Variants in NALF1 observed in about 807,000 individuals in gnomAD.
NALF1 encodes family with sequence similarity 155 member A.
A neutral mutation model predicts 48.4 loss-of-function variants in NALF1; 3 were observed. The observed-to-expected ratio is 0.06, with a 90% confidence interval of 0.03 to 0.16. The LOEUF (loss-of-function observed/expected upper bound fraction) is 0.16, where lower values mean the gene tolerates loss of function less well. Among genes scored for constraint, NALF1 ranks in the 10% least tolerant of loss-of-function variants. The pLI is 1.00. For missense variants in NALF1, 526 were observed against 571.5 expected, an observed-to-expected ratio of 0.92 and a Z score of 0.81; for synonymous variants, 262 against 245.7, an observed-to-expected ratio of 1.07 and a Z score of -0.62.
chr13:107,199,953 GCTT>G (rs1879476348), intron 2 of NALF1, among the ~76,000 whole-genome samples: 1 of 151,948 alleles, frequency 6.6e-6, no homozygotes, highest in Non-Finnish European at 1.5e-5. Flanking sequence ...CCACCACAGA[GCTT>G]CTTCTTGCTC....
chr13:107,609,486 G>T (rs540526246), intron 1 of NALF1, among the ~76,000 whole-genome samples: 2 of 152,258 alleles, frequency 1.3e-5, no homozygotes, highest in East Asian at 3.9e-4. Flanking sequence ...CTCTCAAGGG[G>T]CTGCTTTTCA....
chr13:107,325,713 C>T (rs946605038), intron 1 of NALF1, among the ~76,000 whole-genome samples: 6 of 151,170 alleles, frequency 4.0e-5, no homozygotes, highest in Admixed American at 4.0e-4. Flanking sequence ...TGATGGCATG[C>T]ACCTGTAATC....
intron 1 of NALF1, among the ~76,000 whole-genome samples, chr13:107,829,578 T>G (rs971749193): frequency 6.6e-6 from 1 of 151,990 alleles, no homozygotes; most frequent in Admixed American, 6.6e-5. Flanking sequence ...ACCTCCTTTT[T>G]GCATTTTAAT....
chr13:107,364,161 T>C (rs746930368), intron 1 of NALF1, among the ~76,000 whole-genome samples: 2 of 152,238 alleles, frequency 1.3e-5, no homozygotes, highest in East Asian at 1.9e-4. Context: ...TAAACAATTA[T>C]AGAGCTTACA....
At chr13:107,397,496 A>G (rs1327432265) in intron 1 of NALF1, among the ~76,000 whole-genome samples, 3 of 152,162 alleles carry the variant, frequency 2.0e-5, no homozygotes, top group Admixed American at 1.3e-4. Flanking sequence ...TCAACCAACA[A>G]AAATGATTGG....
chr13:107,618,070 A>C (rs1412523100), intron 1 of NALF1, among the ~76,000 whole-genome samples: 1 of 152,210 alleles, frequency 6.6e-6, no homozygotes, highest in Non-Finnish European at 1.5e-5. Flanking sequence ...AATGCATTTA[A>C]AGCTATTGAC....
At chr13:107,753,850 C>A (rs1436928238) in intron 1 of NALF1, among the ~76,000 whole-genome samples, 1 of 152,044 alleles carries the variant, frequency 6.6e-6, no homozygotes, top group African/African-American at 2.4e-5. Context: ...GCTAATGGTA[C>A]AAATAAATCT....
At chr13:107,579,753 A>G (rs1878251319) in intron 1 of NALF1, among the ~76,000 whole-genome samples, 1 of 151,612 alleles carries the variant, frequency 6.6e-6, no homozygotes, top group Admixed American at 6.6e-5. Context: ...TACATGTGCC[A>G]TGCTGGTGTG....
intron 1 of NALF1, among the ~76,000 whole-genome samples, chr13:107,665,366 C>T (rs1374304823): frequency 1.3e-5 from 2 of 152,126 alleles, no homozygotes; most frequent in Non-Finnish European, 2.9e-5. Flanking sequence ...AGAAGACTTA[C>T]ATTGTCAGTA....
At chr13:107,784,500 C>G (rs1878014207) in intron 1 of NALF1, among the ~76,000 whole-genome samples, 1 of 151,886 alleles carries the variant, frequency 6.6e-6, no homozygotes. Flanking sequence ...CTGTTCTGAT[C>G]AATATTTAAA....
intron 1 of NALF1, among the ~76,000 whole-genome samples, chr13:107,699,964 T>C (rs942580844): frequency 1.3e-5 from 2 of 151,988 alleles, no homozygotes; most frequent in African/African-American, 4.8e-5. Flanking sequence ...GGTAAAAGAT[T>C]TGCACACTGA....
Position 107,362,399 on chromosome 13 carries a change from C to T in NALF1, c.916-151644G>A, listed in dbSNP as rs1483308955. Among the ~76,000 whole-genome samples, 1 of 152,148 alleles carries T rather than the reference C, an allele frequency of 6.6e-6. No individual in the cohort carries two copies. The highest frequency in any genetic ancestry group is 1.9e-4 in the East Asian group (1 of 5,188). On this transcript the variant is annotated intron_variant, in intron 1 of 2. Transcript: ENST00000375915. This position sits in a 1 kb window ranked among gnomAD's most constrained non-coding sequence, Gnocchi z 4.6. ...GTCAGGACCATGCTTCCTCTGAAAC[C>T]TGTAGAGTAGCATCTTCGCTTGCCT...
At chr13:107,859,242 A>G (rs142148520) in intron 1 of NALF1, among the ~76,000 whole-genome samples, 5 of 152,320 alleles carry the variant, frequency 3.3e-5, no homozygotes, top group African/African-American at 9.6e-5. Flanking sequence ...TGCAAAATGA[A>G]GCAGCTGACA....
rs115177026 is a variant in NALF1 at position 107,734,020 on chromosome 13, T to G, written c.915+131662A>C. ...ACAGTATGCTACTGTACTGAATATG[T>G]TAGGCAACGGCAAAACAGTGGTAAG... On this transcript the variant is annotated intron_variant, in intron 1 of 2. Coordinates refer to ENST00000375915, the MANE Select transcript of NALF1 (RefSeq NM_001080396.3). 9.2e-3 allele frequency among the ~76,000 whole-genome samples: 1,400 copies of G among 152,256 alleles called. 20 individuals are homozygous for G. Among genetic ancestry groups the G allele is most frequent in the African/African-American group, 0.032 (1,328 of 41,556 alleles).
chr13:107,553,689 A>G (rs560615938), intron 1 of NALF1, among the ~76,000 whole-genome samples: 9 of 152,374 alleles, frequency 5.9e-5, no homozygotes, highest in Admixed American at 5.2e-4. Context: ...TCATTAATTT[A>G]TAGATACCTT....
chr13:107,719,871 T>G (rs1248717547), intron 1 of NALF1, among the ~76,000 whole-genome samples: 7 of 152,180 alleles, frequency 4.6e-5, no homozygotes, highest in African/African-American at 1.7e-4. Flanking sequence ...CGAACTTCAT[T>G]GCAAATATGA....
intron 1 of NALF1, among the ~76,000 whole-genome samples, chr13:107,399,871 T>A (rs9559035): frequency 0.48 from 73,525 of 151,948 alleles, 18,001 homozygotes; most frequent in Admixed American, 0.52. Flanking sequence ...ATTATAGCAT[T>A]CTGTGTACCA....
intron 1 of NALF1, among the ~76,000 whole-genome samples, chr13:107,697,311 T>C (rs1032454586): frequency 1.3e-5 from 2 of 152,136 alleles, no homozygotes; most frequent in South Asian, 2.1e-4. Flanking sequence ...CTTCATAGCA[T>C]TGGATTGTGA....
chr13:107,785,444 T>A (rs1344004366), intron 1 of NALF1, among the ~76,000 whole-genome samples: 1 of 152,096 alleles, frequency 6.6e-6, no homozygotes, highest in Non-Finnish European at 1.5e-5. Context: ...GTGAAGTAAC[T>A]CAGGTATGGA....
Sources: gnomAD v4.1 joint callset for allele counts (sites outside exome capture counted in the v4.1 genomes callset) on GRCh38, gnomAD v4.1.1 for gene constraint, Gnocchi (gnomAD v3.1) non-coding constraint, MANE v1.5 for transcripts, NCBI Gene and HGNC (gene_info 2026-07-23, HGNC 2026-07-21) for gene names.